The following IRAG2 variants were observed in gnomAD, a reference collection of about 807,000 sequenced individuals.
IRAG2 encodes the protein inositol 1,4,5-triphosphate receptor associated 2, also known as lymphoid restricted membrane protein.
In IRAG2, 45 loss-of-function variants were observed where a neutral mutation model predicts 69.9. The ratio of observed to expected loss-of-function variants is 0.64; its 90% CI spans 0.51 to 0.83. The LOEUF is 0.83. Ranked by LOEUF, IRAG2 falls within the 40% of genes least tolerant of loss-of-function variation. The pLI, the probability that IRAG2 is intolerant of heterozygous loss-of-function variation, is 0.00. For synonymous variants in IRAG2, 193 were observed against 202.4 expected (o/e 0.95, Z 0.40); for missense variants, 520 against 587.0 (o/e 0.89, Z 1.18).
chr12:25,040,499 C>T (rs913019560), intron 16 of IRAG2, among the ~76,000 whole-genome samples: 5 of 150,994 alleles, frequency 3.3e-5, no homozygotes, highest in African/African-American at 1.2e-4. Context: ...GAGCAAGACA[C>T]TGCCTCTTAA....
chr12:25,051,647 G>T (rs1944874910), upstream of IRAG2, among the ~76,000 whole-genome samples: 1 of 152,212 alleles, frequency 6.6e-6, no homozygotes, highest in Non-Finnish European at 1.5e-5. Flanking sequence ...GTGATGGGGA[G>T]AAAAGCTTCA....
intron 5 of IRAG2, among the ~76,000 whole-genome samples, 165 bp from the exon 6 acceptor site, chr12:25,069,185 G>A (rs897189791): frequency 2.6e-5 from 4 of 152,194 alleles, no homozygotes; most frequent in Non-Finnish European, 5.9e-5. Context: ...TCTGATGGAG[G>A]TGGGAACTCT....
At position 25,102,356 on chromosome 12, in the gene IRAG2, A is replaced by G. The variant is rs1227682558; in HGVS notation, c.933+115A>G. ...TAACAAAATAGTGATTTTAATTCATATAGATGTATTTGTTTATCTAAGTAT... is the reference window on the plus strand; with the variant it reads ...TAACAAAATAGTGATTTTAATTCATGTAGATGTATTTGTTTATCTAAGTAT... On this transcript the variant is annotated intron_variant, in intron 17 of 21. Transcript: ENST00000556887. 4 of 769,932 alleles carry G rather than the reference A, an allele frequency of 5.2e-6. No homozygotes were observed. In the East Asian group the frequency reaches 8.1e-5, roughly 16 times the overall value. 47.7% of individuals were successfully genotyped at this position (769,932 alleles called of 1,614,324 possible). A position where few individuals can be genotyped will look rare whatever the true frequency, so the allele number is the denominator to read the frequency against.
At chr12:25,096,772 G>A in intron 14 of IRAG2, 138 bp from the exon 15 acceptor site, 4 of 651,408 alleles carry the variant, frequency 6.1e-6, no homozygotes, top group Non-Finnish European at 1.0e-5. Flanking sequence ...ATTCATTATT[G>A]ATCTTTGCTG....
At position 25,052,757 on chromosome 12, in the gene IRAG2, A is replaced by G; in HGVS notation, c.-646A>G. On this transcript the variant is annotated 5_prime_UTR_variant, in exon 1 of 22. Transcript: ENST00000556887. ...CACTCCATTGCTTTCTTTCCTGGCC[A>G]CACTGCTACAATCCAGCACTAACTA... 1 of 398,634 alleles carries G rather than the reference A, an allele frequency of 2.5e-6. No homozygotes were observed. Among genetic ancestry groups the G allele is most frequent in the Non-Finnish European group, 4.4e-6 (1 of 226,066 alleles). 24.7% of individuals were successfully genotyped at this position (398,634 alleles called of 1,614,324 possible).
At chr12:25,082,437 A>C (rs1296479923) in intron 9 of IRAG2, among the ~76,000 whole-genome samples, 3 of 151,824 alleles carry the variant, frequency 2.0e-5, no homozygotes, top group African/African-American at 7.3e-5. Context: ...CGTCTCTGCA[A>C]AAAAATACAA....
chr12:25,027,678 G>C (rs1565529384), intron 9 of IRAG2, among the ~76,000 whole-genome samples: 1 of 152,116 alleles, frequency 6.6e-6, no homozygotes, highest in Non-Finnish European at 1.5e-5. Flanking sequence ...ACGGGCATGA[G>C]CCACTGCACC....
chr12:25,044,549 T>A (rs1187051052), intron 16 of IRAG2, among the ~76,000 whole-genome samples: 1 of 152,076 alleles, frequency 6.6e-6, no homozygotes, highest in Non-Finnish European at 1.5e-5. Flanking sequence ...TAGATTTAAG[T>A]ACATACATAA....
At chr12:25,028,544 T>C (rs187884343) in intron 9 of IRAG2, among the ~76,000 whole-genome samples, 17 of 152,302 alleles carry the variant, frequency 1.1e-4, no homozygotes, top group Admixed American at 5.2e-4. Context: ...TCCCTAATTA[T>C]ATTAAGAAAT....
At chr12:25,102,616 C>G (rs1232835622) in intron 17 of IRAG2, 2 of 193,468 alleles carry the variant, frequency 1.0e-5, no homozygotes, top group African/African-American at 4.7e-5. Flanking sequence ...TACTTTAGAT[C>G]CAGGCACCAA....
chr12:25,070,332 G>T (rs1480904047), intron 6 of IRAG2, among the ~76,000 whole-genome samples: 1 of 152,098 alleles, frequency 6.6e-6, no homozygotes, highest in Admixed American at 6.5e-5. Context: ...CTATAGATTT[G>T]CCTATTCTGG....
chr12:25,088,679 T>C (rs769385551), intron 11 of IRAG2, among the ~76,000 whole-genome samples: 4 of 152,214 alleles, frequency 2.6e-5, no homozygotes, highest in Non-Finnish European at 5.9e-5. Flanking sequence ...GTACACTTAA[T>C]TGAGAATATA....
chr12:25,064,741 G>T (rs1316815936), intron 4 of IRAG2, among the ~76,000 whole-genome samples: 1 of 152,168 alleles, frequency 6.6e-6, no homozygotes, highest in African/African-American at 2.4e-5. Flanking sequence ...GCTTTTTAGA[G>T]ATTACTTGCA....
At chr12:25,016,180 A>G (rs993910517) in intron 5 of IRAG2, among the ~76,000 whole-genome samples, 4 of 144,676 alleles carry the variant, frequency 2.8e-5, no homozygotes, top group Non-Finnish European at 6.0e-5. Context: ...TGGGCGACAG[A>G]GCGAGACTCC....
At chr12:25,023,969 A>T in intron 8 of IRAG2, 4 of 1,041,828 alleles carry the variant, frequency 3.8e-6, no homozygotes, top group Non-Finnish European at 4.9e-6. Context: ...TGCAAATCAT[A>T]TCATCGTGGT....
At chr12:25,078,669 C>T (rs1946985298) in intron 6 of IRAG2, among the ~76,000 whole-genome samples, 1 of 152,168 alleles carries the variant, frequency 6.6e-6, no homozygotes, top group South Asian at 2.1e-4. Flanking sequence ...TTAAGAGGTT[C>T]ATAGAAACTT....
chr12:25,031,468 A>G (rs1368091559), intron 10 of IRAG2, among the ~76,000 whole-genome samples: 1 of 152,190 alleles, frequency 6.6e-6, no homozygotes, highest in African/African-American at 2.4e-5. Flanking sequence ...GTACTGAAAA[A>G]AATCAGATGC....
intron 5 of IRAG2, among the ~76,000 whole-genome samples, chr12:25,067,095 C>T (rs953937806): frequency 1.2e-4 from 18 of 152,076 alleles, no homozygotes; most frequent in African/African-American, 3.1e-4. Flanking sequence ...AGGACTATAC[C>T]GTAGACTGCT....
At chr12:25,043,631 T>G (rs1213225515) in intron 16 of IRAG2, among the ~76,000 whole-genome samples, 1 of 151,832 alleles carries the variant, frequency 6.6e-6, no homozygotes, top group Admixed American at 6.6e-5. Context: ...ATGAGATGCA[T>G]CATGCTCTAG....
Sources: allele counts gnomAD v4.1 joint callset (sites outside exome capture counted in the v4.1 genomes callset), GRCh38; gene constraint gnomAD v4.1.1; transcripts MANE v1.5; gene names NCBI Gene and HGNC (gene_info 2026-07-23, HGNC 2026-07-21).